Variants in NUMB observed in about 807,000 individuals in gnomAD.
The protein encoded by NUMB is NUMB endocytic adaptor protein.
In NUMB, 29 loss-of-function variants were observed where a neutral mutation model predicts 59.7. The observed-to-expected ratio is 0.49, with a 90% CI of 0.36 to 0.66. NUMB has a LOEUF of 0.66. NUMB is among the 30% of genes least tolerant of loss of function. The pLI is 0.00. For missense variants in NUMB, 723 were observed against 822.0 expected (o/e 0.88, Z 1.47); for synonymous variants, 288 against 288.2 (o/e 1.00, Z 0.01).
chr14:73,412,339 G>A (rs1386766502), intron 1 of NUMB, among the ~76,000 whole-genome samples: 4 of 151,970 alleles, frequency 2.6e-5, no homozygotes, highest in Admixed American at 2.6e-4. Flanking sequence ...AAGAGATGAG[G>A]GGTCTTGGCT....
At chr14:73,403,553 G>A (rs1303058516) in intron 2 of NUMB, among the ~76,000 whole-genome samples, 1 of 152,192 alleles carries the variant, frequency 6.6e-6, no homozygotes, top group Non-Finnish European at 1.5e-5. Context: ...TACAGAATCG[G>A]GGAGCTCCCT....
At chr14:73,422,901 CCTGT>C (rs1380231012) in intron 1 of NUMB, among the ~76,000 whole-genome samples, 9 of 124,584 alleles carry the variant, frequency 7.2e-5, no homozygotes, top group African/African-American at 3.0e-4. Flanking sequence ...AGGAAGAGAT[CCTGT>C]CTCAAAAAAA....
chr14:73,440,827 C>CAAA (rs397713746), intron 1 of NUMB, among the ~76,000 whole-genome samples: 72 of 47,570 alleles, frequency 1.5e-3, no homozygotes, highest in African/African-American at 2.0e-3. Context: ...GACTCCGTCT[C>CAAA]AAAAAAAAAA....
chr14:73,353,469 C>T (rs1023981576), intron 4 of NUMB, among the ~76,000 whole-genome samples: 1 of 150,872 alleles, frequency 6.6e-6, no homozygotes, highest in East Asian at 1.9e-4. Flanking sequence ...CTTAGGATGA[C>T]CACTTATGCC....
chr14:73,354,391 G>C (rs1183154363), intron 4 of NUMB, among the ~76,000 whole-genome samples: 1 of 151,228 alleles, frequency 6.6e-6, no homozygotes, highest in Non-Finnish European at 1.5e-5. Context: ...CATGCCTGTA[G>C]TCCCAGATAC....
chr14:73,364,116 T>C (rs1416772548), intron 3 of NUMB, among the ~76,000 whole-genome samples: 1 of 152,152 alleles, frequency 6.6e-6, no homozygotes, highest in Non-Finnish European at 1.5e-5. Context: ...GAAAACATGT[T>C]TGATAAAATT....
At chr14:73,283,020 A>G (rs1888734171) in intron 10 of NUMB, among the ~76,000 whole-genome samples, 2 of 152,158 alleles carry the variant, frequency 1.3e-5, no homozygotes, top group South Asian at 2.1e-4. Context: ...TTTTTCTCCA[A>G]AGTCTCCAGT....
At chr14:73,277,407 A>C (rs528499604) in intron 12 of NUMB, 114 bp from the exon 13 acceptor site, 1 of 862,438 alleles carries the variant, frequency 1.2e-6, no homozygotes, top group East Asian at 2.7e-5. Context: ...CCCTAATGGG[A>C]CATTTTGTGG....
intron 4 of NUMB, among the ~76,000 whole-genome samples, chr14:73,323,943 C>G (rs1387931688): frequency 6.6e-6 from 1 of 152,170 alleles, no homozygotes; most frequent in Non-Finnish European, 1.5e-5. Context: ...TAAAAAAGAA[C>G]CAAGGTCTGA....
chr14:73,328,383 G>T (rs779223997), intron 4 of NUMB, among the ~76,000 whole-genome samples: 4 of 151,996 alleles, frequency 2.6e-5, no homozygotes, highest in Non-Finnish European at 5.9e-5. Flanking sequence ...ATCACCAGTT[G>T]AAGTATATCT....
At chr14:73,312,039 G>A (rs1334162816) in intron 6 of NUMB, among the ~76,000 whole-genome samples, 2 of 152,234 alleles carry the variant, frequency 1.3e-5, no homozygotes, top group African/African-American at 4.8e-5. Flanking sequence ...ATGACTCACT[G>A]TAAAAAATTA....
chr14:73,408,288 G>A (rs1231102628), intron 2 of NUMB, among the ~76,000 whole-genome samples: 1 of 151,776 alleles, frequency 6.6e-6, no homozygotes, highest in Non-Finnish European at 1.5e-5. Flanking sequence ...AGGTAAGACT[G>A]TACAATCCTG....
chr14:73,386,139 G>A (rs917045465), intron 2 of NUMB, among the ~76,000 whole-genome samples: 2 of 151,960 alleles, frequency 1.3e-5, no homozygotes, highest in African/African-American at 2.4e-5. Flanking sequence ...AGCTATTGTT[G>A]AGGCAGGAGG....
At chr14:73,315,732 T>C (rs1409440521) in intron 6 of NUMB, among the ~76,000 whole-genome samples, 1 of 152,196 alleles carries the variant, frequency 6.6e-6, no homozygotes, top group African/African-American at 2.4e-5. Context: ...TTTCTTCCTA[T>C]TTCCCTGTGA....
At chr14:73,280,526 T>C (rs1888550861) in intron 11 of NUMB, among the ~76,000 whole-genome samples, 1 of 152,008 alleles carries the variant, frequency 6.6e-6, no homozygotes, top group African/African-American at 2.4e-5. Flanking sequence ...TAAAATCTGC[T>C]AACCCTTGTT....
In NUMB at chr14:73,356,516, A is replaced by T. The variant is rs181472285; in HGVS notation, c.-15-750T>A. ...AAATTAGCCAGGTGTGGTGGTGCACACCTGTAATCCCAGCTACTCAGGAGG... is the reference window on the plus strand; with the variant it reads ...AAATTAGCCAGGTGTGGTGGTGCACTCCTGTAATCCCAGCTACTCAGGAGG... On this transcript the variant is annotated intron_variant, in intron 3 of 12. Transcript: ENST00000555238. Among the ~76,000 whole-genome samples, 529 of 152,120 alleles carry T rather than the reference A, an allele frequency of 3.5e-3. 2 individuals are homozygous for T. The highest frequency in any genetic ancestry group is 0.012 in the African/African-American group (495 of 41,500).
chr14:73,399,374 A>G (rs1896298110), intron 2 of NUMB, among the ~76,000 whole-genome samples: 1 of 151,966 alleles, frequency 6.6e-6, no homozygotes, highest in Non-Finnish European at 1.5e-5. Flanking sequence ...AACCAGCCTG[A>G]CGAAAATGGA....
At chr14:73,419,354 CA>C (rs1229366227) in intron 1 of NUMB, among the ~76,000 whole-genome samples, 1 of 151,950 alleles carries the variant, frequency 6.6e-6, no homozygotes, top group African/African-American at 2.4e-5. Flanking sequence ...ACTAAAAATA[CA>C]AAAAACTAGC....
chr14:73,384,724 C>T (rs1243828604), intron 2 of NUMB, among the ~76,000 whole-genome samples: 2 of 121,942 alleles, frequency 1.6e-5, no homozygotes, highest in Non-Finnish European at 3.3e-5. Flanking sequence ...CGTGCCACCA[C>T]GCCTGGCTTT....
Sources: allele counts gnomAD v4.1 joint callset (sites outside exome capture counted in the v4.1 genomes callset), GRCh38; gene constraint gnomAD v4.1.1; transcripts MANE v1.5; gene names NCBI Gene and HGNC (gene_info 2026-07-23, HGNC 2026-07-21).